The following SYT1 variants were observed in gnomAD, a reference collection of about 807,000 sequenced individuals.
SYT1 encodes the protein synaptotagmin 1.
A neutral mutation model predicts 44.8 loss-of-function variants in SYT1; 8 were observed. The observed-to-expected ratio is 0.18, with a 90% CI of 0.10 to 0.32. The LOEUF (loss-of-function observed/expected upper bound fraction) is 0.32. Among genes scored for constraint, SYT1 ranks in the 10% least tolerant of loss-of-function variants. The pLI, the probability that SYT1 is intolerant of heterozygous loss-of-function variation, is 1.00. For missense variants in SYT1, 286 were observed against 509.3 expected, an observed-to-expected ratio of 0.56 and a Z score of 4.22; for synonymous variants, 154 against 188.8, an observed-to-expected ratio of 0.82 and a Z score of 1.51.
chr12:79,313,424 T>G (rs1880906025), intron 8 of SYT1, among the ~76,000 whole-genome samples: 2 of 152,184 alleles, frequency 1.3e-5, no homozygotes. Context: ...GGAGGATCTT[T>G]TATACATTTG....
intron 3 of SYT1, among the ~76,000 whole-genome samples, chr12:79,154,418 T>A (rs1029045425): frequency 2.0e-5 from 3 of 151,640 alleles, no homozygotes; most frequent in East Asian, 1.9e-4. Context: ...TTTTTTTTTT[T>A]AATAAATGAG....
At chr12:79,259,260 CA>C (rs1274767412) in intron 4 of SYT1, among the ~76,000 whole-genome samples, 2 of 152,036 alleles carry the variant, frequency 1.3e-5, no homozygotes, top group African/African-American at 2.4e-5. Flanking sequence ...TATAGTTCTA[CA>C]AAAAAATTCA....
rs1346163444 is a variant in SYT1 at position 78,897,616 on chromosome 12, C to G, written c.-217+32507C>G. 2.6e-5 allele frequency among the ~76,000 whole-genome samples: 4 copies of G among 151,974 alleles called. No individual in the cohort carries two copies. In the East Asian group the frequency reaches 7.7e-4, roughly 29 times the overall value. On this transcript the variant is annotated intron_variant, in intron 1 of 10. Transcript: ENST00000261205. ...AAATTAGATTTCATATGCTGATATG[C>G]TCAATAATGCTAACAAGGATCTATA...
At chr12:79,417,864 C>A (rs1868847559) in intron 9 of SYT1, among the ~76,000 whole-genome samples, 1 of 150,828 alleles carries the variant, frequency 6.6e-6, no homozygotes, top group Non-Finnish European at 1.5e-5. Context: ...CATATCATGT[C>A]CTGAGAATCT....
chr12:79,234,823 G>C (rs1259166752), intron 4 of SYT1, among the ~76,000 whole-genome samples: 2 of 150,404 alleles, frequency 1.3e-5, no homozygotes, highest in East Asian at 2.0e-4. Flanking sequence ...CAATTCTCCT[G>C]TCTCAGCCTC....
chr12:79,446,076 A>G (rs565138771), intron 10 of SYT1, among the ~76,000 whole-genome samples: 65 of 128,784 alleles, frequency 5.0e-4, no homozygotes, highest in African/African-American at 1.7e-3. Flanking sequence ...ATGTAATCTC[A>G]TTTCATACTT....
intron 3 of SYT1, among the ~76,000 whole-genome samples, chr12:79,161,510 CGTT>C (rs1286471260): frequency 1.3e-5 from 2 of 152,042 alleles, no homozygotes; most frequent in African/African-American, 2.4e-5. Context: ...TGTATTCCAT[CGTT>C]GTTAAGTGAT....
chr12:79,155,592 C>T (rs555801920), intron 3 of SYT1, among the ~76,000 whole-genome samples: 1 of 152,324 alleles, frequency 6.6e-6, no homozygotes, highest in Non-Finnish European at 1.5e-5. Context: ...CCTAGATTCA[C>T]AGTGATGTCC....
intron 8 of SYT1, among the ~76,000 whole-genome samples, chr12:79,332,495 G>A (rs941133): frequency 0.11 from 16,995 of 152,174 alleles, 1,416 homozygotes; most frequent in African/African-American, 0.24. Context: ...AACATGCAAT[G>A]CATTTAAGGC....
At chr12:79,171,378 TTTGCAGTTCTCCTTG>T (rs1409921227) in intron 3 of SYT1, among the ~76,000 whole-genome samples, 13 of 152,054 alleles carry the variant, frequency 8.5e-5, no homozygotes, top group African/African-American at 3.1e-4. Flanking sequence ...TGAGCAGTGG[TTTGCAGTTCTCCTTG>T]TAGAGATCTT....
chr12:79,018,037 G>A (rs1184031536), intron 2 of SYT1, among the ~76,000 whole-genome samples: 1 of 149,364 alleles, frequency 6.7e-6, no homozygotes, highest in Non-Finnish European at 1.5e-5. Context: ...TAGGGCAAAA[G>A]ACAATTTTTC....
chr12:79,075,751 C>T (rs1180479624), intron 3 of SYT1, among the ~76,000 whole-genome samples: 3 of 152,048 alleles, frequency 2.0e-5, no homozygotes, highest in East Asian at 1.9e-4. Flanking sequence ...CCTATAGAAT[C>T]GGATACAATT....
chr12:78,875,188 C>T (rs1343235024), intron 1 of SYT1, among the ~76,000 whole-genome samples: 1 of 151,452 alleles, frequency 6.6e-6, no homozygotes, highest in African/African-American at 2.4e-5. Flanking sequence ...CTTTGTTGTA[C>T]TCTGAATTGA....
intron 9 of SYT1, among the ~76,000 whole-genome samples, chr12:79,410,661 G>A (rs373140353): frequency 5.3e-5 from 8 of 152,090 alleles, no homozygotes; most frequent in Admixed American, 3.9e-4. Context: ...ATTTTAATAA[G>A]CTATATTTTC....
intron 3 of SYT1, among the ~76,000 whole-genome samples, chr12:79,175,243 C>G (rs1284395299): frequency 6.6e-6 from 1 of 151,934 alleles, no homozygotes; most frequent in Non-Finnish European, 1.5e-5. Flanking sequence ...CGACATAGGC[C>G]TGGTTGATCA....
intron 2 of SYT1, among the ~76,000 whole-genome samples, chr12:78,988,749 T>C (rs1395960934): frequency 2.0e-5 from 3 of 152,078 alleles, no homozygotes; most frequent in African/African-American, 7.2e-5. Flanking sequence ...GTTGTGATTT[T>C]TGGCCAAATG....
intron 8 of SYT1, among the ~76,000 whole-genome samples, chr12:79,334,611 C>T (rs61928826): frequency 2.6e-5 from 4 of 152,190 alleles, no homozygotes; most frequent in East Asian, 3.9e-4. Context: ...AGAACATGCA[C>T]GCATCCGCTC....
chr12:79,410,506 C>CAAAAAAAAAAAAAAAAAAAAAAAAAAAAG (rs5799432), intron 9 of SYT1, among the ~76,000 whole-genome samples: 1 of 75,916 alleles, frequency 1.3e-5, no homozygotes, highest in Non-Finnish European at 2.4e-5. Flanking sequence ...TGTTCAAAGT[C>CAAAAAAAAAAAAAAAAAAAAAAAAAAAAG]AAAAAAAAAA....
rs755549000 is a variant in SYT1, at chr12:79,193,299, T to G, written c.-17-24204T>G. Among the ~76,000 whole-genome samples, 5 of 152,232 alleles carry G rather than the reference T, an allele frequency of 3.3e-5. No homozygotes were observed. In the South Asian group the frequency reaches 8.3e-4, roughly 25 times the overall value. On this transcript the variant is annotated intron_variant, in intron 3 of 10. Transcript: ENST00000261205. ...AGGCAATAAGACATAAGAGATGTACTAGGGAAATAAATAAATTTTGACTGG... is the reference window on the plus strand; with the variant it reads ...AGGCAATAAGACATAAGAGATGTACGAGGGAAATAAATAAATTTTGACTGG...
Sources: gnomAD v4.1 joint callset for allele counts (sites outside exome capture counted in the v4.1 genomes callset) on GRCh38, gnomAD v4.1.1 for gene constraint, MANE v1.5 for transcripts, NCBI Gene and HGNC (gene_info 2026-07-23, HGNC 2026-07-21) for gene names.